Variants in GLIS3 observed in about 807,000 individuals in gnomAD.
The protein encoded by GLIS3 is GLIS family zinc finger 3, also known as zinc finger protein GLIS3.
A neutral mutation model predicts 78.6 loss-of-function variants in GLIS3; 53 were observed. The ratio of observed to expected loss-of-function variants is 0.67; its 90% CI spans 0.54 to 0.85. The LOEUF is 0.85. GLIS3 is among the 40% of genes least tolerant of loss of function. GLIS3 has a pLI of 0.00. For synonymous variants in GLIS3, 684 were observed against 509.9 expected, an observed-to-expected ratio of 1.34 and a Z score of -4.60; for missense variants, 1,703 against 1,231.1, an observed-to-expected ratio of 1.38 and a Z score of -5.74.
chr9:4,395,497 G>C, the GLIS3 span, among the ~76,000 whole-genome samples: 7 of 152,146 alleles, frequency 4.6e-5, no homozygotes, highest in African/African-American at 1.7e-4. Context: ...CAGCTCCGAT[G>C]CTCTAGCTGA....
intron 2 of GLIS3, among the ~76,000 whole-genome samples, chr9:4,235,981 T>A (rs976330680): frequency 6.6e-5 from 10 of 151,472 alleles, no homozygotes; most frequent in Non-Finnish European, 1.5e-4. Flanking sequence ...AGATTCTGAG[T>A]ATGGCTCAAG....
chr9:4,260,566 C>A (rs373704408), intron 2 of GLIS3, among the ~76,000 whole-genome samples: 159 of 116,832 alleles, frequency 1.4e-3, no homozygotes, highest in South Asian at 1.9e-3. Flanking sequence ...GACTCTGTCT[C>A]AAAAAAAAAA....
At chr9:4,186,569 G>C (rs1391664720) in intron 2 of GLIS3, among the ~76,000 whole-genome samples, 1 of 151,386 alleles carries the variant, frequency 6.6e-6, no homozygotes, top group South Asian at 2.1e-4. Context: ...CTGAGGAATC[G>C]CCACACTGAC....
At chr9:3,855,556 A>G (rs2281730) in intron 9 of GLIS3, 169,362 of 226,668 alleles carry the variant, frequency 0.75, 63,812 homozygotes, top group East Asian at 0.83. Context: ...AGATGACATC[A>G]GCTGGGGGAT....
chr9:4,485,904 G>C, the GLIS3 span, among the ~76,000 whole-genome samples: 1 of 151,946 alleles, frequency 6.6e-6, no homozygotes, highest in African/African-American at 2.4e-5. Context: ...TGTATTTTTA[G>C]CAGAGATGGC....
chr9:4,240,448 C>T (rs141760513), intron 2 of GLIS3, among the ~76,000 whole-genome samples: 133 of 152,098 alleles, frequency 8.7e-4, no homozygotes, highest in Non-Finnish European at 1.5e-3. Flanking sequence ...CAGCAGTTCG[C>T]GGTCTGGGGA....
the GLIS3 span, among the ~76,000 whole-genome samples, chr9:4,390,419 G>T: frequency 6.6e-5 from 10 of 151,426 alleles, no homozygotes; most frequent in East Asian, 1.9e-3. Context: ...AAGCTGTAGT[G>T]CATTGGAGCA....
At chr9:4,089,534 A>T (rs1829315816) in intron 4 of GLIS3, among the ~76,000 whole-genome samples, 1 of 152,202 alleles carries the variant, frequency 6.6e-6, no homozygotes, top group South Asian at 2.1e-4. Flanking sequence ...TGTTAAAAAC[A>T]TAAAAAATTG....
At chr9:4,306,168 C>G (rs1004063663) in intron 4 of GLIS3, 3 of 152,212 alleles carry the variant, frequency 2.0e-5, no homozygotes, top group African/African-American at 4.8e-5. Flanking sequence ...CAGCCCCGAC[C>G]TCCTGGGCTC....
At chr9:4,449,350 T>C in the GLIS3 span, among the ~76,000 whole-genome samples, 1 of 152,314 alleles carries the variant, frequency 6.6e-6, no homozygotes, top group Admixed American at 6.5e-5. Context: ...ACCACAGCTC[T>C]GCAAGGCCTG....
At chr9:4,080,044 T>C (rs1490764192) in intron 4 of GLIS3, among the ~76,000 whole-genome samples, 1 of 152,190 alleles carries the variant, frequency 6.6e-6, no homozygotes, top group Non-Finnish European at 1.5e-5. Flanking sequence ...ATTTGGAAAA[T>C]GCTATTGTAA....
intron 4 of GLIS3, among the ~76,000 whole-genome samples, chr9:3,982,822 T>G (rs887586571): frequency 1.3e-5 from 2 of 152,162 alleles, no homozygotes; most frequent in Non-Finnish European, 2.9e-5. Flanking sequence ...TATGGAAGGC[T>G]TCAGGCAGCT....
At chr9:4,387,427 T>C in the GLIS3 span, among the ~76,000 whole-genome samples, 1 of 152,216 alleles carries the variant, frequency 6.6e-6, no homozygotes, top group Non-Finnish European at 1.5e-5. Context: ...CATTCATAGG[T>C]TACGGTGTCC....
chr9:3,974,537 T>G (rs1371243199), intron 4 of GLIS3, among the ~76,000 whole-genome samples: 4 of 152,178 alleles, frequency 2.6e-5, no homozygotes, highest in African/African-American at 4.8e-5. Flanking sequence ...GACAGACATA[T>G]GAGGACTCTG....
chr9:4,291,491 C>A (rs1323133931), intron 1 of GLIS3, among the ~76,000 whole-genome samples: 2 of 151,710 alleles, frequency 1.3e-5, no homozygotes, highest in Non-Finnish European at 2.9e-5. Context: ...ATAATCTTTC[C>A]TAAGTTTATA....
At chr9:4,231,455 G>GA (rs899038810) in intron 2 of GLIS3, among the ~76,000 whole-genome samples, 1 of 151,764 alleles carries the variant, frequency 6.6e-6, no homozygotes, top group South Asian at 2.1e-4. Context: ...GAAAAGAATG[G>GA]AAAAAAAATT....
At chr9:3,851,392 C>A (rs1188068407) in intron 9 of GLIS3, among the ~76,000 whole-genome samples, 2 of 152,044 alleles carry the variant, frequency 1.3e-5, no homozygotes. Flanking sequence ...GAGATCTCAC[C>A]CGAATGGAGA....
chr9:4,401,346 G>T, the GLIS3 span, among the ~76,000 whole-genome samples: 1 of 151,928 alleles, frequency 6.6e-6, no homozygotes, highest in African/African-American at 2.4e-5. Context: ...AGCAACCTCT[G>T]TCTCCCACGT....
chr9:4,457,366 A>C, the GLIS3 span, among the ~76,000 whole-genome samples: 1 of 152,072 alleles, frequency 6.6e-6, no homozygotes, highest in Non-Finnish European at 1.5e-5. Flanking sequence ...GTCTCAAAAA[A>C]AAAAAAGCAA....
Sources: allele counts gnomAD v4.1 joint callset (sites outside exome capture counted in the v4.1 genomes callset), GRCh38; gene constraint gnomAD v4.1.1; transcripts MANE v1.5; gene names NCBI Gene and HGNC (gene_info 2026-07-23, HGNC 2026-07-21).